The following BMP7 variants were observed in gnomAD, a reference collection of about 807,000 sequenced individuals.
BMP7 encodes osteogenic protein 1.
A neutral mutation model predicts 41.2 loss-of-function variants in BMP7; 12 were observed. The ratio of observed to expected loss-of-function variants is 0.29; its 90% CI spans 0.19 to 0.47. BMP7 has a LOEUF of 0.47. BMP7 is among the 20% of genes least tolerant of loss of function. The pLI, the probability that BMP7 is intolerant of heterozygous loss-of-function variation, is 0.99. For synonymous variants in BMP7, 248 were observed against 250.0 expected (o/e 0.99, Z 0.07); for missense variants, 467 against 606.0 (o/e 0.77, Z 2.41).
At chr20:57,238,230 C>T (rs138350392) in intron 1 of BMP7, among the ~76,000 whole-genome samples, 15 of 152,256 alleles carry the variant, frequency 9.9e-5, no homozygotes, top group East Asian at 5.8e-4. Flanking sequence ...CTTTTGTGAC[C>T]GGCTTATTTC....
Position 57,265,897 on chromosome 20 carries a change from G to T in BMP7, c.226C>A (p.His76Asn), listed in dbSNP as rs2146036024. ...HRPRPHLQGK[H>N]NSAPMFMLDL... ...AGCATGAACATGGGTGCCGAGTTGT[G>T]CTTGCCCTGGAGGTGCGGGCGCGGG... Residue 76 changes from histidine (H) to asparagine (N), a missense_variant, in exon 1 of 7, where the codon CAC becomes AAC. This residue lies in a region of BMP7 where 407 missense variants were observed against 485.9 expected (regional missense o/e 0.84). Transcript: ENST00000395863. 6.3e-7 allele frequency: 1 copy of T among 1,595,248 alleles called. No homozygotes were observed. Among genetic ancestry groups the T allele is most frequent in the Non-Finnish European group, 8.5e-7 (1 of 1,170,876 alleles).
Position 57,266,242 on chromosome 20 carries a change from G to C in BMP7, c.-120C>G. 9.5e-7 allele frequency: 1 copy of C among 1,056,306 alleles called. No homozygotes were observed. The highest frequency in any genetic ancestry group is 1.2e-6 in the Non-Finnish European group (1 of 806,282). 65.4% of individuals were successfully genotyped at this position (1,056,306 alleles called of 1,614,324 possible). On this transcript the variant is annotated 5_prime_UTR_variant, in exon 1 of 7. Transcript: ENST00000395863. ...ACTTGCTGCAGACGGGCCCCGCTGC[G>C]CCCGCGCCAGACATGGCCCCTCCCC...
intron 2 of BMP7, among the ~76,000 whole-genome samples, chr20:57,218,803 GT>G (rs1788982428): frequency 6.7e-6 from 1 of 149,752 alleles, no homozygotes; most frequent in African/African-American, 2.5e-5. Context: ...GGTGGTGCTG[GT>G]GTTTGTTTGG....
At chr20:57,263,275 G>A (rs1204847490) in intron 1 of BMP7, among the ~76,000 whole-genome samples, 3 of 152,226 alleles carry the variant, frequency 2.0e-5, no homozygotes, top group Non-Finnish European at 2.9e-5. Flanking sequence ...CTGATTAAGA[G>A]GCTCAGACAA....
chr20:57,254,936 G>A (rs541923177), intron 1 of BMP7, among the ~76,000 whole-genome samples: 16 of 152,244 alleles, frequency 1.1e-4, no homozygotes, highest in Middle Eastern at 3.4e-3. Flanking sequence ...TGGGGTACAT[G>A]TAGGTGCCCC....
intron 2 of BMP7, among the ~76,000 whole-genome samples, chr20:57,211,314 A>G (rs1330706913): frequency 6.6e-6 from 1 of 152,218 alleles, no homozygotes; most frequent in Non-Finnish European, 1.5e-5. Flanking sequence ...GCTGGGAGCA[A>G]CAGGCCCCAG....
At chr20:57,239,522 T>A (rs573635912) in intron 1 of BMP7, among the ~76,000 whole-genome samples, 60 of 152,146 alleles carry the variant, frequency 3.9e-4, no homozygotes, top group Non-Finnish European at 7.4e-4. Context: ...CATTCTGGGG[T>A]CTGGAGGACA....
At chr20:57,172,017 A>G (rs1767879962) in intron 6 of BMP7, among the ~76,000 whole-genome samples, 1 of 152,172 alleles carries the variant, frequency 6.6e-6, no homozygotes, top group South Asian at 2.1e-4. Context: ...TCATTTCACA[A>G]TCCCTGGAGA....
At position 57,213,735 on chromosome 20, in the gene BMP7, G is replaced by A. The variant is rs147499967; in HGVS notation, c.612-11112C>T. On this transcript the variant is annotated intron_variant, in intron 2 of 6. Transcript: ENST00000395863. This position sits in a 1 kb window ranked among gnomAD's most constrained non-coding sequence, Gnocchi z 4.4. ...AGAGTGGTCCTCGGGTCCCACAGTG[G>A]GTGCTCAGGGATGTAGGCTGTAGGG... 9.5e-3 allele frequency among the ~76,000 whole-genome samples: 1,445 copies of A among 152,310 alleles called. 13 individuals are homozygous for A. The highest frequency in any genetic ancestry group is 0.027 in the Middle Eastern group (8 of 294).
chr20:57,240,224 T>C (rs1301977836), intron 1 of BMP7, among the ~76,000 whole-genome samples: 1 of 152,210 alleles, frequency 6.6e-6, no homozygotes, highest in African/African-American at 2.4e-5. Context: ...TTCCACCAGA[T>C]ACCCTAAATC....
Position 57,256,946 on chromosome 20 carries a change from T to C in BMP7, c.418+8759A>G, listed in dbSNP as rs2066136520. ...AACTACTAGTTAGGATCATTTGTAC[T>C]TCATAAAACAGACAAAAATAGAAAT... On this transcript the variant is annotated intron_variant, in intron 1 of 6. Transcript: ENST00000395863. 5.9e-5 allele frequency among the ~76,000 whole-genome samples: 9 copies of C among 152,076 alleles called. No homozygotes were observed. In the South Asian group the frequency reaches 1.9e-3, roughly 32 times the overall value.
chr20:57,251,530 C>T (rs79201594), intron 1 of BMP7, among the ~76,000 whole-genome samples: 14,867 of 152,214 alleles, frequency 0.098, 814 homozygotes, highest in Non-Finnish European at 0.11. Flanking sequence ...AGGGGACATC[C>T]TTTAACCTAC....
intron 4 of BMP7, among the ~76,000 whole-genome samples, chr20:57,178,853 A>T (rs1406138576): frequency 2.0e-5 from 3 of 152,196 alleles, no homozygotes; most frequent in Non-Finnish European, 4.4e-5. Context: ...CTCCGTCAGA[A>T]GGAAGTCCCA....
chr20:57,254,698 C>T (rs1044975408), intron 1 of BMP7, among the ~76,000 whole-genome samples: 8 of 151,908 alleles, frequency 5.3e-5, no homozygotes, highest in African/African-American at 1.7e-4. Flanking sequence ...TGCGCTGGGG[C>T]GACTATTCCA....
At chr20:57,254,260 T>C (rs2066125551) in intron 1 of BMP7, among the ~76,000 whole-genome samples, 1 of 152,088 alleles carries the variant, frequency 6.6e-6, no homozygotes, top group African/African-American at 2.4e-5. Flanking sequence ...TGACCTCAGA[T>C]GACCCACCCA....
chr20:57,257,892 G>C (rs2066140005), intron 1 of BMP7, among the ~76,000 whole-genome samples: 1 of 150,298 alleles, frequency 6.7e-6, no homozygotes, highest in African/African-American at 2.4e-5. Context: ...TGAGCACTTG[G>C]ACCATTATAT....
chr20:57,245,234 C>G (rs1039030477), intron 1 of BMP7, among the ~76,000 whole-genome samples: 1 of 152,196 alleles, frequency 6.6e-6, no homozygotes, highest in African/African-American at 2.4e-5. Context: ...ACTTAAATCC[C>G]TAAGCTAAAC....
At chr20:57,260,970 G>T (rs776821230) in intron 1 of BMP7, among the ~76,000 whole-genome samples, 2 of 152,188 alleles carry the variant, frequency 1.3e-5, no homozygotes, top group African/African-American at 4.8e-5. Flanking sequence ...GGGTGGAGAC[G>T]GGGGAGACTT....
intron 3 of BMP7, among the ~76,000 whole-genome samples, chr20:57,186,093 G>A (rs1984204493): frequency 1.3e-5 from 2 of 152,248 alleles, no homozygotes; most frequent in South Asian, 2.1e-4. Context: ...AGACAGTAAT[G>A]TAAGCTTGGG....
Sources: gnomAD v4.1 joint callset for allele counts (sites outside exome capture counted in the v4.1 genomes callset) on GRCh38, gnomAD v4.1.1 for gene constraint, gnomAD v4.1.1 regional missense constraint, Gnocchi (gnomAD v3.1) non-coding constraint, MANE v1.5 for transcripts, NCBI Gene and HGNC (gene_info 2026-07-23, HGNC 2026-07-21) for gene names.